BNC2: variants seen among roughly 807,000 people sequenced by gnomAD.
BNC2 encodes the protein basonuclin zinc finger protein 2.
A neutral mutation model predicts 76.3 loss-of-function variants in BNC2; 20 were observed. That is an observed-to-expected ratio of 0.26 (90% CI 0.18 to 0.38). BNC2 has a LOEUF of 0.38. Among genes scored for constraint, BNC2 ranks in the 10% least tolerant of loss-of-function variants. The pLI, the probability that BNC2 is intolerant of heterozygous loss-of-function variation, is 1.00. For missense variants in BNC2, 1,382 were observed against 1,399.8 expected (o/e 0.99, Z 0.20); for synonymous variants, 582 against 514.8 (o/e 1.13, Z -1.77).
intron 5 of BNC2, among the ~76,000 whole-genome samples, chr9:16,493,875 G>A (rs1217174787): frequency 6.6e-6 from 1 of 152,144 alleles, no homozygotes; most frequent in Non-Finnish European, 1.5e-5. Flanking sequence ...AAAGCATGGC[G>A]TGTTTAGAGA....
At chr9:16,545,575 C>G (rs1393704260) in intron 5 of BNC2, among the ~76,000 whole-genome samples, 1 of 152,142 alleles carries the variant, frequency 6.6e-6, no homozygotes, top group Non-Finnish European at 1.5e-5. Context: ...TTAAGCTTTT[C>G]TGGTCCAACT....
At chr9:16,771,342 T>C (rs1404527688) in intron 1 of BNC2, among the ~76,000 whole-genome samples, 1 of 152,200 alleles carries the variant, frequency 6.6e-6, no homozygotes, top group Non-Finnish European at 1.5e-5. Context: ...CACAAGCTAC[T>C]TCAGAAATAA....
chr9:16,865,828 G>T (rs1819530717), intron 1 of BNC2, among the ~76,000 whole-genome samples: 2 of 152,138 alleles, frequency 1.3e-5, no homozygotes, highest in Admixed American at 6.6e-5. Context: ...CATTGAGTTA[G>T]AATATGGGTT....
chr9:16,774,088 T>A (rs1825900101), intron 1 of BNC2, among the ~76,000 whole-genome samples: 1 of 151,888 alleles, frequency 6.6e-6, no homozygotes, highest in African/African-American at 2.4e-5. Context: ...CTCAAGGGAG[T>A]CTCATGCCTT....
At chr9:16,490,808 A>G (rs1822262954) in intron 5 of BNC2, among the ~76,000 whole-genome samples, 1 of 152,220 alleles carries the variant, frequency 6.6e-6, no homozygotes, top group African/African-American at 2.4e-5. Context: ...TTGAGGAGAT[A>G]AACACAACTA....
chr9:16,421,162 C>G, intron 6 of BNC2: 1 of 714,266 alleles, frequency 1.4e-6, no homozygotes, highest in Non-Finnish European at 1.9e-6. Flanking sequence ...GTGGGGAAGA[C>G]TTCTCCACCT....
intron 5 of BNC2, among the ~76,000 whole-genome samples, chr9:16,507,924 A>C (rs1406593161): frequency 1.3e-5 from 2 of 152,240 alleles, no homozygotes. Context: ...GGAACAGTAC[A>C]TAACAATCGT....
At chr9:16,634,562 C>T (rs376907803) in intron 3 of BNC2, among the ~76,000 whole-genome samples, 37 of 145,176 alleles carry the variant, frequency 2.5e-4, no homozygotes, top group African/African-American at 8.9e-4. Context: ...AGTGCAGTGG[C>T]GCAATCTCTG....
chr9:16,513,385 C>G (rs1209332179), intron 5 of BNC2, among the ~76,000 whole-genome samples: 2 of 145,108 alleles, frequency 1.4e-5, no homozygotes, highest in Non-Finnish European at 3.0e-5. Flanking sequence ...CGGCTCACTG[C>G]AAGCTCTGCC....
intron 5 of BNC2, among the ~76,000 whole-genome samples, chr9:16,446,372 T>C (rs1821231980): frequency 6.6e-6 from 1 of 152,146 alleles, no homozygotes; most frequent in Admixed American, 6.5e-5. Context: ...CCCTTGACTC[T>C]AGTTTTTAGA....
intron 5 of BNC2, among the ~76,000 whole-genome samples, chr9:16,483,690 C>T (rs947824470): frequency 3.9e-5 from 6 of 152,134 alleles, no homozygotes; most frequent in Admixed American, 1.3e-4. Context: ...CAAATTCACA[C>T]GCATATGTGG....
chr9:16,531,814 A>T (rs1461987558), intron 5 of BNC2, among the ~76,000 whole-genome samples: 4 of 152,136 alleles, frequency 2.6e-5, no homozygotes, highest in African/African-American at 9.7e-5. Flanking sequence ...CCCCCAAAGA[A>T]ATCAATTATA....
rs563227962 is a variant in BNC2, at chr9:16,664,619, T to C, written c.330+63178A>G. Among the ~76,000 whole-genome samples, 10 of 151,142 alleles carry C rather than the reference T, an allele frequency of 6.6e-5. No individual in the cohort carries two copies. The East Asian group carries it at 1.8e-3, about 27-fold the overall frequency. On this transcript the variant is annotated intron_variant, in intron 3 of 6. Transcript: ENST00000380672. Reference sequence around the variant, plus strand: ...TATCCTAATCTGGTCTGGTGTTGGGTAGGATGCTCATCAATGACAGATTCA... The same window carrying C: ...TATCCTAATCTGGTCTGGTGTTGGGCAGGATGCTCATCAATGACAGATTCA...
At chr9:16,708,640 AG>A (rs1452335366) in intron 3 of BNC2, among the ~76,000 whole-genome samples, 3 of 152,126 alleles carry the variant, frequency 2.0e-5, no homozygotes, top group Non-Finnish European at 2.9e-5. Flanking sequence ...AGCCACAGGA[AG>A]GGCGGGGTGA....
intron 5 of BNC2, among the ~76,000 whole-genome samples, chr9:16,517,049 G>A (rs1817463783): frequency 6.6e-6 from 1 of 152,154 alleles, no homozygotes; most frequent in Admixed American, 6.5e-5. Context: ...CAAAAAGTTT[G>A]GATACTGCTG....
chr9:16,864,177 G>C (rs1819480744), intron 1 of BNC2, among the ~76,000 whole-genome samples: 1 of 152,146 alleles, frequency 6.6e-6, no homozygotes, highest in Admixed American at 6.5e-5. Context: ...GGCTATGCTA[G>C]AGGAAAATCA....
At chr9:16,804,869 C>G (rs1241196760) in intron 1 of BNC2, among the ~76,000 whole-genome samples, 1 of 152,048 alleles carries the variant, frequency 6.6e-6, no homozygotes, top group African/African-American at 2.4e-5. Flanking sequence ...TGAGACCAGC[C>G]TGGCCAATAC....
intron 3 of BNC2, among the ~76,000 whole-genome samples, chr9:16,623,494 G>A (rs1459835000): frequency 6.6e-6 from 1 of 152,170 alleles, no homozygotes; most frequent in Non-Finnish European, 1.5e-5. Context: ...TCAAAGCTAA[G>A]GAGCCTGCAG....
intron 5 of BNC2, among the ~76,000 whole-genome samples, chr9:16,439,550 T>C (rs1821084768): frequency 6.6e-6 from 1 of 152,166 alleles, no homozygotes; most frequent in Non-Finnish European, 1.5e-5. Flanking sequence ...TTATGTAGGA[T>C]GTTACACTAG....
Sources: gnomAD v4.1 joint callset for allele counts (sites outside exome capture counted in the v4.1 genomes callset) on GRCh38, gnomAD v4.1.1 for gene constraint, MANE v1.5 for transcripts, NCBI Gene and HGNC (gene_info 2026-07-23, HGNC 2026-07-21) for gene names.